Variants in CACNA1C observed in about 807,000 individuals in gnomAD.
CACNA1C encodes the protein calcium voltage-gated channel subunit alpha1 C, also known as voltage-dependent L-type calcium channel subunit alpha-1C.
In CACNA1C, 30 loss-of-function variants were observed where a neutral mutation model predicts 229.0. The ratio of observed to expected loss-of-function variants is 0.13; its 90% CI spans 0.10 to 0.18. The LOEUF is 0.18. Ranked by LOEUF, CACNA1C falls within the 10% of genes least tolerant of loss-of-function variation. The pLI, the probability that CACNA1C is intolerant of heterozygous loss-of-function variation, is 1.00. For synonymous variants in CACNA1C, 1,114 were observed against 1,132.5 expected (o/e 0.98, Z 0.33); for missense variants, 1,658 against 2,845.0 (o/e 0.58, Z 9.49).
intron 31 of CACNA1C, among the ~76,000 whole-genome samples, chr12:2,650,137 T>C (rs740728): frequency 0.063 from 9,569 of 152,126 alleles, 426 homozygotes; most frequent in Admixed American, 0.14. Context: ...TTTTGAAATA[T>C]AAGAAATATT....
At chr12:2,432,506 G>T (rs1004609335) in intron 3 of CACNA1C, among the ~76,000 whole-genome samples, 1 of 152,148 alleles carries the variant, frequency 6.6e-6, no homozygotes, top group Non-Finnish European at 1.5e-5. Context: ...TTCTCTGGGA[G>T]TCTGACCCTC....
chr12:2,617,838 G>T (rs2081379700), intron 29 of CACNA1C, among the ~76,000 whole-genome samples: 1 of 152,194 alleles, frequency 6.6e-6, no homozygotes, highest in Non-Finnish European at 1.5e-5. Context: ...TGAGGAGGTG[G>T]GTGCATGGGG....
At chr12:2,387,535 G>A (rs768516621) in intron 3 of CACNA1C, among the ~76,000 whole-genome samples, 21 of 151,236 alleles carry the variant, frequency 1.4e-4, no homozygotes, top group Non-Finnish European at 3.1e-4. Flanking sequence ...TGAACTAAGA[G>A]CGAAAGAAAG....
Position 2,649,188 on chromosome 12 carries a change from G to A in CACNA1C, c.3945+681G>A, listed in dbSNP as rs1470838679. ...AAGCTCCGTTGATTGGACCACTCCT[G>A]TTGTAGGAGTCTCTGATTCGCGTTG... On this transcript the variant is annotated intron_variant, in intron 31 of 46. Coordinates refer to ENST00000399655, the MANE Select transcript of CACNA1C (RefSeq NM_000719.7). The surrounding 1 kb of genome is among the most constrained non-coding windows in gnomAD (Gnocchi z 4.4). 6.6e-6 allele frequency among the ~76,000 whole-genome samples: 1 copy of A among 152,222 alleles called. No homozygotes were observed. The highest frequency in any genetic ancestry group is 1.5e-5 in the Non-Finnish European group (1 of 68,042).
In CACNA1C at chr12:2,053,077, C is replaced by G; in HGVS notation, c.-486C>G. ...GCCCGGAGCGGCGGCGGCGGCTCTT[C>G]CTGCCTCCGCGCCCAGGAGTTGCCG... On this transcript the variant is annotated 5_prime_UTR_variant, in exon 1 of 47. Coordinates refer to ENST00000399655, the MANE Select transcript of CACNA1C (RefSeq NM_000719.7). This position sits in a 1 kb window ranked among gnomAD's most constrained non-coding sequence, Gnocchi z 5.8. 1 of 984,388 alleles carries G rather than the reference C, an allele frequency of 1.0e-6. No homozygotes were observed. Among genetic ancestry groups the G allele is most frequent in the South Asian group, 4.7e-5 (1 of 21,282 alleles). 61.0% of individuals were successfully genotyped at this position (984,388 alleles called of 1,614,324 possible). A position where few individuals can be genotyped will look rare whatever the true frequency, so the allele number is the denominator to read the frequency against.
chr12:2,387,714 C>G (rs2098417493), intron 3 of CACNA1C, among the ~76,000 whole-genome samples: 1 of 152,138 alleles, frequency 6.6e-6, no homozygotes, highest in Non-Finnish European at 1.5e-5. Flanking sequence ...GAAAGCTGTT[C>G]CCTGCAACTG....
At chr12:2,270,138 A>G (rs2084220554) in intron 3 of CACNA1C, among the ~76,000 whole-genome samples, 1 of 152,206 alleles carries the variant, frequency 6.6e-6, no homozygotes, top group African/African-American at 2.4e-5. Flanking sequence ...GGGAGCCAGC[A>G]GGGAGCTGGA....
chr12:2,151,765 C>A (rs1269292039), intron 3 of CACNA1C, among the ~76,000 whole-genome samples: 1 of 152,204 alleles, frequency 6.6e-6, no homozygotes. Context: ...CGGAGACACA[C>A]ACGAAGCTTG....
intron 24 of CACNA1C, 134 bp from the exon 25 acceptor site, chr12:2,606,477 T>C: frequency 1.4e-6 from 1 of 730,724 alleles, no homozygotes. Context: ...AGTCAGGTCC[T>C]GCCCATCTGG....
rs2099700172 is a variant in CACNA1C, at chr12:2,486,926, C to T, written c.916+664C>T. Among the ~76,000 whole-genome samples, 1 of 152,138 alleles carries T rather than the reference C, an allele frequency of 6.6e-6. No individual in the cohort carries two copies. Among genetic ancestry groups the T allele is most frequent in the African/African-American group, 2.4e-5 (1 of 41,436 alleles). On this transcript the variant is annotated intron_variant, in intron 6 of 46. Transcript: ENST00000399655. The surrounding 1 kb of genome is among the most constrained non-coding windows in gnomAD (Gnocchi z 4.9). The stretch of plus-strand genomic sequence containing the variant: ...CCAGTCCCTTCCTTTTTGAGCCTTC[C>T]CACTTCACGTTCCTTCCATAAATCA...
intron 5 of CACNA1C, among the ~76,000 whole-genome samples, chr12:2,459,554 G>T (rs2099485247): frequency 6.6e-6 from 1 of 152,184 alleles, no homozygotes; most frequent in African/African-American, 2.4e-5. Flanking sequence ...AATTAAAGCA[G>T]ACTTTCTCTA....
chr12:2,007,009 C>T (rs190281362), intron 1 of CACNA1C, among the ~76,000 whole-genome samples: 2 of 152,286 alleles, frequency 1.3e-5, no homozygotes, highest in Non-Finnish European at 2.9e-5. Context: ...CATGTTAGTT[C>T]ACTACCTTTT....
intron 3 of CACNA1C, chr12:2,223,245 CCT>C (rs1438383178): frequency 1.3e-5 from 2 of 152,172 alleles, no homozygotes; most frequent in South Asian, 2.1e-4. Flanking sequence ...GGTTTGAGCC[CCT>C]GTTTTCAGCT....
chr12:2,425,300 C>T (rs2239068), intron 3 of CACNA1C, among the ~76,000 whole-genome samples: 111,498 of 152,164 alleles, frequency 0.73, 41,068 homozygotes, highest in Admixed American at 0.79. Context: ...ATGATACGAA[C>T]AGTATAATCG....
chr12:2,659,296 G>A (rs1726751405), intron 34 of CACNA1C, among the ~76,000 whole-genome samples: 1 of 152,228 alleles, frequency 6.6e-6, no homozygotes, highest in South Asian at 2.1e-4. Context: ...TCAGTGTTTA[G>A]ATATGTTTAG....
chr12:2,191,838 A>AGG, intron 3 of CACNA1C, among the ~76,000 whole-genome samples: 2 of 72,058 alleles, frequency 2.8e-5, no homozygotes. Context: ...ATACACAGGC[A>AGG]CACACATGCA....
At chr12:2,607,924 G>A (rs1054186558) in intron 26 of CACNA1C, 10 of 152,516 alleles carry the variant, frequency 6.6e-5, no homozygotes, top group African/African-American at 2.4e-4. Context: ...TACAGAGGAA[G>A]GGGAAGAGAT....
intron 3 of CACNA1C, among the ~76,000 whole-genome samples, chr12:2,386,742 C>T (rs2154547372): frequency 6.6e-6 from 1 of 152,314 alleles, no homozygotes; most frequent in East Asian, 1.9e-4. Flanking sequence ...AGACACTAAG[C>T]ACCCGAGGGC....
At chr12:2,200,078 G>A (rs185628583) in intron 3 of CACNA1C, among the ~76,000 whole-genome samples, 1 of 152,276 alleles carries the variant, frequency 6.6e-6, no homozygotes, top group East Asian at 1.9e-4. Context: ...TTAGCACTGA[G>A]CAGTGCCTGC....
Sources: gnomAD v4.1 joint callset for allele counts (sites outside exome capture counted in the v4.1 genomes callset) on GRCh38, gnomAD v4.1.1 for gene constraint, Gnocchi (gnomAD v3.1) non-coding constraint, MANE v1.5 for transcripts, NCBI Gene and HGNC (gene_info 2026-07-23, HGNC 2026-07-21) for gene names.